BICC1: variants seen among roughly 807,000 people sequenced by gnomAD.
BICC1 encodes BicC family RNA binding protein 1, also known as protein bicaudal C homolog 1.
In BICC1, 43 loss-of-function variants were observed where a neutral mutation model predicts 111.0. The ratio of observed to expected loss-of-function variants is 0.39; its 90% CI spans 0.30 to 0.50. BICC1 has a LOEUF of 0.50. BICC1 is among the 20% of genes least tolerant of loss of function. The pLI is 0.88. For missense variants in BICC1, 1,091 were observed against 1,203.2 expected (o/e 0.91, Z 1.38); for synonymous variants, 467 against 434.4 (o/e 1.07, Z -0.93).
chr10:58,700,286 G>A (rs1002495426), intron 2 of BICC1, among the ~76,000 whole-genome samples: 15 of 152,114 alleles, frequency 9.9e-5, no homozygotes, highest in South Asian at 2.1e-4. Flanking sequence ...AGAAGGGGCT[G>A]GGACAGGAAA....
intron 3 of BICC1, among the ~76,000 whole-genome samples, chr10:58,745,683 T>C (rs1841817090): frequency 6.9e-6 from 1 of 145,746 alleles, no homozygotes; most frequent in Non-Finnish European, 1.5e-5. Flanking sequence ...CTCTCTCTGC[T>C]TCTTCTGCCT....
intron 3 of BICC1, among the ~76,000 whole-genome samples, chr10:58,775,680 G>T (rs887103697): frequency 3.9e-5 from 6 of 152,158 alleles, no homozygotes; most frequent in African/African-American, 1.2e-4. Flanking sequence ...ATGCACAGTT[G>T]GGGAGAGGAA....
chr10:58,598,071 TAAATGTCCATG>T (rs945414634), intron 1 of BICC1, among the ~76,000 whole-genome samples: 41 of 152,200 alleles, frequency 2.7e-4, no homozygotes, highest in Admixed American at 7.2e-4. Context: ...TGGGAACTGA[TAAATGTCCATG>T]AAATCTTCAC....
chr10:58,549,027 G>A (rs920585065), intron 1 of BICC1, among the ~76,000 whole-genome samples: 2 of 151,964 alleles, frequency 1.3e-5, no homozygotes, highest in Non-Finnish European at 2.9e-5. Context: ...TATATTTTTT[G>A]TGGAGACAGG....
intron 1 of BICC1, among the ~76,000 whole-genome samples, chr10:58,537,957 A>G (rs536367048): frequency 6.6e-6 from 1 of 152,066 alleles, no homozygotes; most frequent in Admixed American, 6.6e-5. Flanking sequence ...AAATACTGCT[A>G]AATAAATCAC....
intron 9 of BICC1, among the ~76,000 whole-genome samples, chr10:58,795,142 AAAT>A (rs1456812867): frequency 6.6e-6 from 1 of 152,194 alleles, no homozygotes; most frequent in Non-Finnish European, 1.5e-5. Context: ...CGAAATAAGA[AAAT>A]AACACCATTT....
At chr10:58,719,764 A>G (rs566071279) in intron 3 of BICC1, among the ~76,000 whole-genome samples, 28 of 152,364 alleles carry the variant, frequency 1.8e-4, no homozygotes, top group African/African-American at 6.5e-4. Context: ...AGTTTACATT[A>G]TCATTAGATT....
chr10:58,648,442 T>C (rs1838335612), intron 2 of BICC1: 26 of 911,204 alleles, frequency 2.9e-5, no homozygotes, highest in Non-Finnish European at 3.4e-5. Context: ...AAAAAAGGCA[T>C]TTATTATACA....
intron 3 of BICC1, among the ~76,000 whole-genome samples, chr10:58,704,035 C>T (rs1840318269): frequency 6.6e-6 from 1 of 152,186 alleles, no homozygotes; most frequent in South Asian, 2.1e-4. Flanking sequence ...AAATGTGGAG[C>T]TGAATAGATT....
intron 2 of BICC1, among the ~76,000 whole-genome samples, chr10:58,693,131 A>G (rs1839962855): frequency 1.3e-5 from 2 of 151,090 alleles, no homozygotes; most frequent in South Asian, 4.2e-4. Context: ...TGTCCTTGCG[A>G]TAGTTTGCTG....
chr10:58,583,784 T>C (rs1171122598), intron 1 of BICC1, among the ~76,000 whole-genome samples: 2 of 152,212 alleles, frequency 1.3e-5, no homozygotes, highest in African/African-American at 4.8e-5. Context: ...TCTGGGTAGA[T>C]GCCCAGTAGT....
intron 1 of BICC1, among the ~76,000 whole-genome samples, chr10:58,586,009 A>G (rs1274125746): frequency 6.6e-6 from 1 of 152,166 alleles, no homozygotes; most frequent in Non-Finnish European, 1.5e-5. Flanking sequence ...CTCCAGCTAA[A>G]CTTTATCAAT....
chr10:58,744,375 A>C (rs1221976964), intron 3 of BICC1, among the ~76,000 whole-genome samples: 1 of 152,030 alleles, frequency 6.6e-6, no homozygotes, highest in South Asian at 2.1e-4. Flanking sequence ...CCAAAGAAAA[A>C]TTTTATTGTT....
chr10:58,828,194 C>T (rs1352145217), intron 20 of BICC1, among the ~76,000 whole-genome samples: 1 of 152,150 alleles, frequency 6.6e-6, no homozygotes, highest in African/African-American at 2.4e-5. Flanking sequence ...GTACCTCAAC[C>T]TCTGCATTAT....
At chr10:58,715,899 C>A in intron 3 of BICC1, 1 of 1,237,056 alleles carries the variant, frequency 8.1e-7, no homozygotes, top group Non-Finnish European at 1.2e-6. Context: ...ATTCTTCCAG[C>A]AATTCTTCTG....
chr10:58,738,352 C>A (rs1188096654), intron 3 of BICC1, among the ~76,000 whole-genome samples: 2 of 150,532 alleles, frequency 1.3e-5, no homozygotes, highest in African/African-American at 4.9e-5. Context: ...GGGAACCTTT[C>A]CCCATTTCTT....
At chr10:58,691,281 G>A (rs1370633852) in intron 2 of BICC1, among the ~76,000 whole-genome samples, 2 of 152,130 alleles carry the variant, frequency 1.3e-5, no homozygotes, top group East Asian at 1.9e-4. Flanking sequence ...TTGTATTCAA[G>A]TTATATACAA....
At chr10:58,557,489 A>G (rs1843485324) in intron 1 of BICC1, among the ~76,000 whole-genome samples, 1 of 152,032 alleles carries the variant, frequency 6.6e-6, no homozygotes, top group Non-Finnish European at 1.5e-5. Context: ...CCAATTACAC[A>G]TATATTCGAC....
intron 1 of BICC1, among the ~76,000 whole-genome samples, chr10:58,569,311 T>C (rs1214498876): frequency 6.6e-6 from 1 of 152,150 alleles, no homozygotes; most frequent in Non-Finnish European, 1.5e-5. Context: ...CAGTGTTGCA[T>C]TTTTCTTCTT....
Sources: allele counts gnomAD v4.1 joint callset (sites outside exome capture counted in the v4.1 genomes callset), GRCh38; gene constraint gnomAD v4.1.1; transcripts MANE v1.5; gene names NCBI Gene and HGNC (gene_info 2026-07-23, HGNC 2026-07-21).